Variants in VSNL1 observed in about 807,000 individuals in gnomAD.
The protein encoded by VSNL1 is visinin like 1, also known as visinin-like protein 1.
Under a neutral mutation model 20.4 loss-of-function variants are expected in VSNL1, and 6 were observed. The observed-to-expected ratio is 0.29, with a 90% CI of 0.16 to 0.58. The LOEUF (loss-of-function observed/expected upper bound fraction) is 0.58, where lower values mean the gene tolerates loss of function less well. VSNL1 is among the 20% of genes least tolerant of loss of function. The probability of loss-of-function intolerance (pLI) is 0.90; values close to 1 mark genes in which losing one functional copy is unlikely to be tolerated. For missense variants in VSNL1, 100 were observed against 234.5 expected (o/e 0.43, Z 3.75); for synonymous variants, 93 against 86.4 (o/e 1.08, Z -0.42).
intron 1 of VSNL1, chr2:17,541,238 T>G (rs909953134): frequency 1.2e-4 from 19 of 152,322 alleles, no homozygotes; most frequent in African/African-American, 4.6e-4. Flanking sequence ...ATTGACCGAT[T>G]GTGAAGTTTT....
rs948067710 is a variant in VSNL1 at position 17,649,834 on chromosome 2, G to A, written c.378+209G>A. ...GCCATGGGGCCCGTACTGTCGTGAC[G>A]GTGGCATTGTCATCTGCCATTCACT... On this transcript the variant is annotated intron_variant, in intron 3 of 3. Coordinates refer to ENST00000295156, the MANE Select transcript of VSNL1 (RefSeq NM_003385.5). The surrounding 1 kb of genome is among the most constrained non-coding windows in gnomAD (Gnocchi z 6.4). 6.6e-6 allele frequency among the ~76,000 whole-genome samples: 1 copy of A among 152,146 alleles called. No homozygotes were observed. The highest frequency in any genetic ancestry group is 2.4e-5 in the African/African-American group (1 of 41,426).
chr2:17,555,542 C>T (rs1663657723), intron 1 of VSNL1, among the ~76,000 whole-genome samples: 1 of 152,104 alleles, frequency 6.6e-6, no homozygotes. Flanking sequence ...TCTGTGAATT[C>T]CTACAACGTA....
intron 2 of VSNL1, among the ~76,000 whole-genome samples, chr2:17,621,183 T>A (rs1665346100): frequency 6.6e-6 from 1 of 152,134 alleles, no homozygotes; most frequent in South Asian, 2.1e-4. Flanking sequence ...GCAGTTTCTT[T>A]CTCTAAAAAT....
intron 1 of VSNL1, among the ~76,000 whole-genome samples, chr2:17,564,867 G>A (rs1663900889): frequency 6.6e-6 from 1 of 152,168 alleles, no homozygotes; most frequent in South Asian, 2.1e-4. Flanking sequence ...TATCAACAAA[G>A]TAGTCGTAAG....
At chr2:17,550,158 T>C (rs1311291302) in intron 1 of VSNL1, among the ~76,000 whole-genome samples, 1 of 152,204 alleles carries the variant, frequency 6.6e-6, no homozygotes, top group African/African-American at 2.4e-5. Context: ...GAATTTTAGA[T>C]TTTAAAAAGG....
At chr2:17,568,103 T>A (rs182250624) in intron 1 of VSNL1, among the ~76,000 whole-genome samples, 4 of 152,220 alleles carry the variant, frequency 2.6e-5, no homozygotes, top group African/African-American at 9.6e-5. Flanking sequence ...TTTTAATATA[T>A]GCTAGGCTTA....
chr2:17,592,041 G>A (rs748914975), intron 1 of VSNL1, 29 bp from the exon 2 acceptor site: 35 of 1,612,734 alleles, frequency 2.2e-5, no homozygotes, highest in South Asian at 1.5e-4. Flanking sequence ...CAGCCACAGC[G>A]CTAATTGAAT....
intron 2 of VSNL1, among the ~76,000 whole-genome samples, chr2:17,593,380 A>G (rs1197262842): frequency 6.6e-6 from 1 of 152,232 alleles, no homozygotes; most frequent in Non-Finnish European, 1.5e-5. Context: ...ACACTAAGAT[A>G]TTAAAAAAGC....
chr2:17,598,863 T>G (rs945068330), intron 2 of VSNL1, among the ~76,000 whole-genome samples: 1 of 152,250 alleles, frequency 6.6e-6, no homozygotes, highest in Non-Finnish European at 1.5e-5. Flanking sequence ...CAAACTTCAC[T>G]GGCATAAGAA....
chr2:17,594,124 C>G (rs1237618760), intron 2 of VSNL1, among the ~76,000 whole-genome samples: 1 of 152,170 alleles, frequency 6.6e-6, no homozygotes, highest in Non-Finnish European at 1.5e-5. Flanking sequence ...TGAAAAAGCA[C>G]CAGCCTCAAG....
intron 1 of VSNL1, among the ~76,000 whole-genome samples, chr2:17,542,421 G>T (rs1047358982): frequency 6.6e-6 from 1 of 152,204 alleles, no homozygotes; most frequent in Admixed American, 6.5e-5. Flanking sequence ...TTTTGGGGAT[G>T]AAATGAAATA....
In VSNL1 at chr2:17,594,234, A is replaced by G. The variant is rs137958405; in HGVS notation, c.162+1998A>G. 9.2e-5 allele frequency among the ~76,000 whole-genome samples: 14 copies of G among 152,278 alleles called. No homozygotes were observed. In the East Asian group the frequency reaches 1.5e-3, roughly 17 times the overall value. ...TCCCACCTCCCCATCTCACTCCTAG[A>G]GTGGGTTTTTTATTCCAGGAGGGGA... On this transcript the variant is annotated intron_variant, in intron 2 of 3. Coordinates refer to ENST00000295156, the MANE Select transcript of VSNL1 (RefSeq NM_003385.5).
chr2:17,647,971 C>T (rs1259765454), intron 2 of VSNL1, among the ~76,000 whole-genome samples: 3 of 151,992 alleles, frequency 2.0e-5, no homozygotes, highest in African/African-American at 7.3e-5. Context: ...GAACATTGTC[C>T]TTTGTAACCA....
At chr2:17,588,021 C>T (rs908454558) in intron 1 of VSNL1, among the ~76,000 whole-genome samples, 1 of 152,140 alleles carries the variant, frequency 6.6e-6, no homozygotes, top group South Asian at 2.1e-4. Flanking sequence ...TCCATCAAAG[C>T]CCTTCCACCA....
At chr2:17,605,644 T>C (rs957935129) in intron 2 of VSNL1, among the ~76,000 whole-genome samples, 2 of 152,044 alleles carry the variant, frequency 1.3e-5, no homozygotes, top group African/African-American at 4.8e-5. Flanking sequence ...GAGCCCCCTC[T>C]CAGGGCTGAC....
At chr2:17,633,632 G>C (rs1665687567) in intron 2 of VSNL1, among the ~76,000 whole-genome samples, 1 of 152,272 alleles carries the variant, frequency 6.6e-6, no homozygotes, top group African/African-American at 2.4e-5. Context: ...TTGTGTTCCA[G>C]GCACTAAGAA....
At chr2:17,633,283 C>A (rs574958599) in intron 2 of VSNL1, among the ~76,000 whole-genome samples, 2 of 129,744 alleles carry the variant, frequency 1.5e-5, no homozygotes, top group African/African-American at 2.9e-5. Flanking sequence ...ATGGGAGCTA[C>A]AATTCAAGAT....
At chr2:17,633,352 A>G (rs1665680254) in intron 2 of VSNL1, among the ~76,000 whole-genome samples, 1 of 147,274 alleles carries the variant, frequency 6.8e-6, no homozygotes, top group Non-Finnish European at 1.5e-5. Context: ...AAAATACAAA[A>G]AAAAAAAAAA....
intron 2 of VSNL1, among the ~76,000 whole-genome samples, chr2:17,626,161 T>C (rs1045555310): frequency 6.6e-6 from 1 of 152,152 alleles, no homozygotes; most frequent in Non-Finnish European, 1.5e-5. Flanking sequence ...CTGGGCTCCT[T>C]GAGGGCTAGC....
Sources: allele counts gnomAD v4.1 joint callset (sites outside exome capture counted in the v4.1 genomes callset), GRCh38; gene constraint gnomAD v4.1.1; non-coding constraint Gnocchi (gnomAD v3.1); transcripts MANE v1.5; gene names NCBI Gene and HGNC (gene_info 2026-07-23, HGNC 2026-07-21).